DTX4: variants seen among roughly 807,000 people sequenced by gnomAD.
The protein encoded by DTX4 is deltex E3 ubiquitin ligase 4.
DTX4 carries 28 observed loss-of-function variants against 57.6 expected under a neutral mutation model. The ratio of observed to expected loss-of-function variants is 0.49; its 90% CI spans 0.36 to 0.67. The LOEUF (loss-of-function observed/expected upper bound fraction) is 0.67. Among genes scored for constraint, DTX4 ranks in the 30% least tolerant of loss-of-function variants. The pLI is 0.00. For synonymous variants in DTX4, 316 were observed against 331.0 expected (o/e 0.95, Z 0.49); for missense variants, 715 against 836.8 (o/e 0.85, Z 1.80).
At chr11:59,186,695 C>A (rs528725914) in intron 2 of DTX4, among the ~76,000 whole-genome samples, 3 of 152,164 alleles carry the variant, frequency 2.0e-5, no homozygotes, top group African/African-American at 7.2e-5. Context: ...ACTACCTTAG[C>A]GAGAAACTCC....
At chr11:59,199,610 A>C (rs1370938336) in intron 7 of DTX4, 74 bp from the exon 8 acceptor site, 27 of 1,108,626 alleles carry the variant, frequency 2.4e-5, no homozygotes, top group African/African-American at 3.1e-5. Context: ...TATTGAAATT[A>C]GTCACAGCCT....
chr11:59,188,135 G>A (rs1018846972), intron 2 of DTX4, among the ~76,000 whole-genome samples: 3 of 152,144 alleles, frequency 2.0e-5, no homozygotes, highest in Non-Finnish European at 4.4e-5. Flanking sequence ...CTAGTGCCTG[G>A]CTCTGAACAA....
Position 59,181,747 on chromosome 11 carries a change from CGCCCAGT to C in DTX4, c.221_227del (p.Arg74LeufsTer59). 1 of 1,599,880 alleles carries C rather than the reference CGCCCAGT, an allele frequency of 6.3e-7. No individual in the cohort carries two copies. Among genetic ancestry groups the C allele is most frequent in the Non-Finnish European group, 8.5e-7 (1 of 1,171,290 alleles). ...CTATCCCACCCTGGCAGGAACTCTC[CGCCCAGT>C]TCGCCGCAACTACTACGACCCCTCC... On this transcript the variant is annotated frameshift_variant, in exon 2 of 9. Transcript: ENST00000227451. LOFTEE classifies it high-confidence loss of function.
At chr11:59,175,598 G>A (rs1862386319) in intron 1 of DTX4, among the ~76,000 whole-genome samples, 1 of 152,210 alleles carries the variant, frequency 6.6e-6, no homozygotes, top group African/African-American at 2.4e-5. Flanking sequence ...GATGGGGTGA[G>A]ATAGATGGGA....
chr11:59,188,940 T>C, intron 3 of DTX4, 144 bp downstream of exon 3: 1 of 964,814 alleles, frequency 1.0e-6, no homozygotes, highest in South Asian at 1.6e-5. Context: ...GGGAAGGGTA[T>C]GAAGAGTTTG....
intron 2 of DTX4, 148 bp from the exon 3 acceptor site, chr11:59,188,587 G>A (rs1375185423): frequency 7.7e-6 from 5 of 652,146 alleles, no homozygotes; most frequent in Non-Finnish European, 1.4e-5. Context: ...CTGAGTGGTG[G>A]CATGACATGG....
rs762133243 is a variant in DTX4 at position 59,195,353 on chromosome 11, TC to T, written c.1527del (p.Gly510AlafsTer35). On this transcript the variant is annotated frameshift_variant, in exon 7 of 9. Coordinates refer to ENST00000227451, the MANE Select transcript of DTX4 (RefSeq NM_015177.2). LOFTEE classifies it high-confidence loss of function. ...DCKTIRIIYS[I>X]PPGIQGPEHP... ...AAAACCATCCGGATCATCTACAGCA[TC>T]CCCCCCGGCATTCAGGTGAGCCTTT... 2.4e-5 allele frequency: 38 copies of T among 1,605,284 alleles called. No homozygotes were observed. The highest frequency in any genetic ancestry group is 6.7e-5 in the Admixed American group (4 of 59,356).
At chr11:59,187,562 A>T (rs2135518532) in intron 2 of DTX4, among the ~76,000 whole-genome samples, 1 of 152,354 alleles carries the variant, frequency 6.6e-6, no homozygotes, top group Non-Finnish European at 1.5e-5. Flanking sequence ...TCAATACATA[A>T]ATATTCTTTT....
At chr11:59,197,349 T>C (rs906417093) in intron 7 of DTX4, among the ~76,000 whole-genome samples, 2 of 151,902 alleles carry the variant, frequency 1.3e-5, no homozygotes, top group Non-Finnish European at 2.9e-5. Context: ...AAGAGGGTTG[T>C]AGAGGAAAAA....
chr11:59,181,082 A>G (rs1298432789), intron 1 of DTX4, among the ~76,000 whole-genome samples: 1 of 152,054 alleles, frequency 6.6e-6, no homozygotes, highest in Non-Finnish European at 1.5e-5. Flanking sequence ...GCTCCCTCAC[A>G]GCCACTTCTG....
Position 59,181,515 on chromosome 11 carries a change from C to G in DTX4, c.212-224C>G, listed in dbSNP as rs143134777. ...CCTTACCTTATACTGCCACCCATAT[C>G]CTTCATGCTGTAACTCATCTGCTTC... is the stretch of plus-strand genomic sequence containing the variant. On this transcript the variant is annotated intron_variant, in intron 1 of 8. Transcript: ENST00000227451. 2.2e-3 allele frequency among the ~76,000 whole-genome samples: 330 copies of G among 152,276 alleles called. 2 individuals carry two copies. Among genetic ancestry groups the G allele is most frequent in the African/African-American group, 7.5e-3 (311 of 41,546 alleles).
chr11:59,175,226 G>A (rs1862380593), intron 1 of DTX4, among the ~76,000 whole-genome samples: 1 of 152,210 alleles, frequency 6.6e-6, no homozygotes, highest in Admixed American at 6.5e-5. Flanking sequence ...ATTCAAAGCT[G>A]GGAACCAGAA....
chr11:59,181,557 T>C (rs537982486), intron 1 of DTX4, among the ~76,000 whole-genome samples, 182 bp from the exon 2 acceptor site: 2 of 152,306 alleles, frequency 1.3e-5, no homozygotes, highest in Admixed American at 1.3e-4. Context: ...GGTTGGACTA[T>C]AGACATCTTA....
chr11:59,176,954 T>G (rs1862403334), intron 1 of DTX4, among the ~76,000 whole-genome samples: 1 of 152,172 alleles, frequency 6.6e-6, no homozygotes, highest in Non-Finnish European at 1.5e-5. Flanking sequence ...AATCCCACCA[T>G]GTCTATTGTC....
chr11:59,178,947 G>T (rs1263715443), intron 1 of DTX4, among the ~76,000 whole-genome samples: 1 of 151,906 alleles, frequency 6.6e-6, no homozygotes, highest in African/African-American at 2.4e-5. Context: ...AGAGACTGAG[G>T]AAGACAAACC....
At chr11:59,201,679 C>T (rs968168319) in intron 8 of DTX4, among the ~76,000 whole-genome samples, 2 of 152,154 alleles carry the variant, frequency 1.3e-5, no homozygotes, top group African/African-American at 4.8e-5. Flanking sequence ...AGAAGATGTG[C>T]GAGTGCAGTG....
intron 1 of DTX4, among the ~76,000 whole-genome samples, chr11:59,179,910 A>G (rs1042969783): frequency 3.3e-5 from 5 of 151,720 alleles, no homozygotes; most frequent in Admixed American, 6.6e-5. Flanking sequence ...CCCTACACAC[A>G]TACACACACA....
intron 1 of DTX4, 76 bp downstream of exon 1, chr11:59,172,882 A>G: frequency 7.9e-7 from 1 of 1,265,936 alleles, no homozygotes; most frequent in Non-Finnish European, 1.1e-6. Context: ...CTCCCTGTGA[A>G]CCCACCTTGG....
chr11:59,182,008 T>C lies in DTX4; in HGVS notation c.481T>C (p.Tyr161His). 1 of 1,613,882 alleles carries C rather than the reference T, an allele frequency of 6.2e-7. No homozygotes were observed. The highest frequency in any genetic ancestry group is 8.5e-7 in the Non-Finnish European group (1 of 1,179,832). ...CGTCCGCCGGCGCCTCGACCTCATCTACCCCATGGTCACAGGGACCTTGCC... is the reference window on the plus strand; with the variant it reads ...CGTCCGCCGGCGCCTCGACCTCATCCACCCCATGGTCACAGGGACCTTGCC... ...RRVRRRLDLIYPMVTGTLPKA... is the reference protein window; with the variant it reads ...RRVRRRLDLIHPMVTGTLPKA... Residue 161 changes from tyrosine to histidine, a missense_variant, in exon 2 of 9, where the codon TAC (tyrosine) becomes CAC (histidine). By Grantham distance (83) the Tyr-to-His change is moderately conservative. Coordinates refer to ENST00000227451, the MANE Select transcript of DTX4 (RefSeq NM_015177.2).
Sources: allele counts gnomAD v4.1 joint callset (sites outside exome capture counted in the v4.1 genomes callset), GRCh38; gene constraint gnomAD v4.1.1; transcripts MANE v1.5; gene names NCBI Gene and HGNC (gene_info 2026-07-23, HGNC 2026-07-21).